The following KNDC1 variants were observed in gnomAD, a reference collection of about 807,000 sequenced individuals.
The protein encoded by KNDC1 is kinase non-catalytic C-lobe domain containing 1.
A neutral mutation model predicts 172.8 loss-of-function variants in KNDC1; 106 were observed. That is an observed-to-expected ratio of 0.61 (90% CI 0.52 to 0.72). KNDC1 has a LOEUF of 0.72. KNDC1 is among the 30% of genes least tolerant of loss of function. KNDC1 has a pLI of 0.00. For missense variants in KNDC1, 2,325 were observed against 2,394.5 expected (o/e 0.97, Z 0.61); for synonymous variants, 1,083 against 1,062.2 (o/e 1.02, Z -0.38).
Position 133,212,870 on chromosome 10 carries a change from T to C in KNDC1, c.4391T>C (p.Leu1464Pro). The change falls in exon 24 of 30, where the codon CTG becomes CCG. Residue 1464 changes from leucine to proline, a missense_variant. By Grantham distance (98) the Leu-to-Pro change is moderately conservative. Coordinates refer to ENST00000304613, the MANE Select transcript of KNDC1 (RefSeq NM_152643.8). Reference protein sequence around the residue: ...AKTSEKGPYFLTEYSTHQLFS... With the variant: ...AKTSEKGPYFPTEYSTHQLFS... ...ACCAGTGAGAAGGGGCCCTACTTCC[T>C]GACGGAGTACAGCACTCACCAGCTC... 6.2e-7 allele frequency: 1 copy of C among 1,613,894 alleles called. No homozygotes were observed. The highest frequency in any genetic ancestry group is 8.5e-7 in the Non-Finnish European group (1 of 1,179,936).
chr10:133,212,826 C>T lies in KNDC1; in HGVS notation c.4347C>T (p.Phe1449=), dbSNP rs1443763625. Residue 1449 remains phenylalanine (F), a synonymous_variant, in exon 24 of 30, where the codon TTC becomes TTT. Transcript: ENST00000304613. Reference sequence around the variant, plus strand: ...CCAAGCCCTGCTTCCTCGAGGACTTCTACGGCCCCTGCGCCAAGACCAGTG... The same window carrying T: ...CCAAGCCCTGCTTCCTCGAGGACTTTTACGGCCCCTGCGCCAAGACCAGTG... The part of the protein sequence containing the change: ...ALPKPCFLED[F]YGPCAKTSEK... The T allele has an allele frequency of 6.2e-7, 1 of 1,614,014 alleles. No individual in the cohort carries two copies. The highest frequency in any genetic ancestry group is 8.5e-7 in the Non-Finnish European group (1 of 1,179,964).
intron 29 of KNDC1, among the ~76,000 whole-genome samples, chr10:133,222,494 T>C (rs1185737166): frequency 2.1e-4 from 10 of 48,644 alleles, no homozygotes; most frequent in African/African-American, 3.2e-4. Context: ...CTTCCCGGTG[T>C]GTGTGTGTGT....
chr10:133,201,655 T>C lies in KNDC1; in HGVS notation c.3144T>C (p.Pro1048=). Residue 1048 remains proline, a synonymous_variant, in exon 17 of 30, where the codon CCT becomes CCC. Transcript: ENST00000304613. ...RSVKAERAQQ[P]EAGEDRRPAG... is the part of the protein sequence containing the mutation. ...TAAAAGCCGAGAGAGCGCAGCAGCC[T>C]GAGGCTGGCGAGGACAGACGGCCAG... 1 of 1,612,892 alleles carries C rather than the reference T, an allele frequency of 6.2e-7. No homozygotes were observed. The highest frequency in any genetic ancestry group is 8.5e-7 in the Non-Finnish European group (1 of 1,179,936).
intron 17 of KNDC1, among the ~76,000 whole-genome samples, chr10:133,203,455 C>A (rs956267202): frequency 6.6e-6 from 1 of 152,256 alleles, no homozygotes; most frequent in African/African-American, 2.4e-5. Context: ...AGGGCAAAAA[C>A]CACCTGGAGA....
chr10:133,196,167 C>G (rs1285698112), intron 10 of KNDC1, among the ~76,000 whole-genome samples: 1 of 152,166 alleles, frequency 6.6e-6, no homozygotes, highest in African/African-American at 2.4e-5. Context: ...TGCTCTTAGG[C>G]CCTGCTGGAG....
chr10:133,161,139 C>T (rs1473278809), intron 1 of KNDC1, among the ~76,000 whole-genome samples: 3 of 152,188 alleles, frequency 2.0e-5, no homozygotes, highest in Non-Finnish European at 2.9e-5. Flanking sequence ...GCTCATGGAC[C>T]GCCCACCCTA....
At chr10:133,207,861 C>T (rs1437122179) in intron 20 of KNDC1, among the ~76,000 whole-genome samples, 1 of 152,212 alleles carries the variant, frequency 6.6e-6, no homozygotes, top group African/African-American at 2.4e-5. Context: ...GCCGGGCCCA[C>T]TCACCTCCAC....
intron 26 of KNDC1, among the ~76,000 whole-genome samples, chr10:133,217,401 T>C (rs1295782764): frequency 6.6e-6 from 1 of 152,226 alleles, no homozygotes; most frequent in African/African-American, 2.4e-5. Flanking sequence ...TGAGGCGCCT[T>C]CAGCTGCACA....
intron 1 of KNDC1, among the ~76,000 whole-genome samples, chr10:133,165,434 G>A (rs1853118887): frequency 6.6e-6 from 1 of 152,226 alleles, no homozygotes; most frequent in Non-Finnish European, 1.5e-5. Context: ...CTGGCGGCAG[G>A]CGCCTGACCT....
chr10:133,202,489 C>G (rs1334361799), intron 17 of KNDC1: 4 of 401,842 alleles, frequency 1.0e-5, no homozygotes, highest in South Asian at 7.3e-5. Context: ...GACCAGTGAC[C>G]CACAGCCCCG....
In KNDC1 at chr10:133,207,357, T is replaced by C. The variant is rs988009862; in HGVS notation, c.3794+6T>C. 1 of 1,611,216 alleles carries C rather than the reference T, an allele frequency of 6.2e-7. No individual in the cohort carries two copies. Among genetic ancestry groups the C allele is most frequent in the Non-Finnish European group, 8.5e-7 (1 of 1,178,788 alleles). On this transcript the variant is annotated splice_donor_region_variant and intron_variant, in intron 20 of 29. Coordinates refer to ENST00000304613, the MANE Select transcript of KNDC1 (RefSeq NM_152643.8). ...ATGGCCTACCTGTACTCCAGGTGCG[T>C]TGGGAGAAAAGCTCACCCGGAAAAG...
intron 4 of KNDC1, 22 bp downstream of exon 4, chr10:133,183,512 C>A: frequency 6.3e-7 from 1 of 1,585,678 alleles, no homozygotes. Flanking sequence ...TGCCCTGGGC[C>A]ACCCCAGGCT....
chr10:133,189,280 G>C (rs548111707), intron 7 of KNDC1, among the ~76,000 whole-genome samples: 3 of 152,160 alleles, frequency 2.0e-5, no homozygotes, highest in Admixed American at 2.0e-4. Context: ...GCCCTGACTC[G>C]GGACGGGGCC....
At chr10:133,184,536 T>C (rs1246431396) in intron 5 of KNDC1, among the ~76,000 whole-genome samples, 3 of 152,198 alleles carry the variant, frequency 2.0e-5, no homozygotes, top group Admixed American at 6.5e-5. Context: ...GTCACACACA[T>C]GAAAATTCAG....
chr10:133,203,094 C>T (rs1440540163), intron 17 of KNDC1, among the ~76,000 whole-genome samples: 3 of 88,788 alleles, frequency 3.4e-5, no homozygotes, highest in Non-Finnish European at 8.9e-5. Context: ...GAGCACTCCA[C>T]CCCCAAACGC....
chr10:133,204,136 C>T (rs1337453292), intron 17 of KNDC1, among the ~76,000 whole-genome samples: 4 of 152,160 alleles, frequency 2.6e-5, no homozygotes, highest in Admixed American at 1.3e-4. Flanking sequence ...CATGGGGGAA[C>T]GTGGCCACCA....
rs1460402360 is a variant in KNDC1, at chr10:133,166,691, C to T, written c.103-690C>T. ...CATGTGGGATGCATGTATGGGGATG[C>T]GTGTGTCTGTGTGAGGGTGAGCACG... On this transcript the variant is annotated intron_variant, in intron 1 of 29. Coordinates refer to ENST00000304613, the MANE Select transcript of KNDC1 (RefSeq NM_152643.8). Among the ~76,000 whole-genome samples, 6 of 151,212 alleles carry T rather than the reference C, an allele frequency of 4.0e-5. No homozygotes were observed. The East Asian group carries it at 9.7e-4, about 25-fold the overall frequency.
At chr10:133,174,332 G>A (rs1853463675) in intron 3 of KNDC1, 1 of 152,014 alleles carries the variant, frequency 6.6e-6, no homozygotes, top group Non-Finnish European at 1.5e-5. Context: ...AGGAAGGGCG[G>A]TGAAGATGGG....
intron 9 of KNDC1, among the ~76,000 whole-genome samples, chr10:133,194,957 C>T (rs1257869453): frequency 2.6e-5 from 4 of 152,136 alleles, no homozygotes; most frequent in Non-Finnish European, 5.9e-5. Context: ...AGGGGTGCCC[C>T]GAATTCCAGC....
Sources: allele counts gnomAD v4.1 joint callset (sites outside exome capture counted in the v4.1 genomes callset), GRCh38; gene constraint gnomAD v4.1.1; transcripts MANE v1.5; gene names NCBI Gene and HGNC (gene_info 2026-07-23, HGNC 2026-07-21).